PRKG1: variants seen among roughly 807,000 people sequenced by gnomAD.
PRKG1 encodes protein kinase cGMP-dependent 1.
PRKG1 carries 35 observed loss-of-function variants against 88.1 expected under a neutral mutation model. That is an observed-to-expected ratio of 0.40 (90% CI 0.30 to 0.53). The LOEUF (loss-of-function observed/expected upper bound fraction) is 0.53. Ranked by LOEUF, PRKG1 falls within the 20% of genes least tolerant of loss-of-function variation. PRKG1 has a pLI of 0.59. For synonymous variants in PRKG1, 303 were observed against 292.5 expected (o/e 1.04, Z -0.37); for missense variants, 540 against 839.8 (o/e 0.64, Z 4.41).
At chr10:52,006,346 A>G (rs1346366821) in intron 5 of PRKG1, among the ~76,000 whole-genome samples, 1 of 152,222 alleles carries the variant, frequency 6.6e-6, no homozygotes, top group Admixed American at 6.5e-5. Flanking sequence ...ATCAAGATTC[A>G]GGAGAATGTA....
rs149448941 is a variant in PRKG1, at chr10:52,103,371, C to T, written c.936-30469C>T. On this transcript the variant is annotated intron_variant, in intron 7 of 17. Coordinates refer to ENST00000373980, the MANE Select transcript of PRKG1 (RefSeq NM_006258.4). ...TCTCCATCCTCTACCTCTTCTAGCTCTGCCACCCAGAGACAGCATTATCAG... is the reference window on the plus strand; with the variant it reads ...TCTCCATCCTCTACCTCTTCTAGCTTTGCCACCCAGAGACAGCATTATCAG... Among the ~76,000 whole-genome samples, 604 of 152,320 alleles carry T rather than the reference C, an allele frequency of 4.0e-3. 4 individuals are homozygous for T. The highest frequency in any genetic ancestry group is 0.012 in the African/African-American group (490 of 41,576).
upstream of PRKG1, among the ~76,000 whole-genome samples, chr10:51,071,500 TA>T (rs1843825948): frequency 6.6e-6 from 1 of 152,230 alleles, no homozygotes; most frequent in Non-Finnish European, 1.5e-5. Context: ...TTCAGCTTTT[TA>T]CTCTATTTGT....
chr10:51,598,658 C>T (rs1315507417), intron 3 of PRKG1, among the ~76,000 whole-genome samples: 1 of 152,142 alleles, frequency 6.6e-6, no homozygotes, highest in Non-Finnish European at 1.5e-5. Flanking sequence ...GTAAAATATT[C>T]AGTGGTCCCA....
intron 1 of PRKG1, among the ~76,000 whole-genome samples, chr10:51,116,663 G>T (rs1845129744): frequency 6.6e-6 from 1 of 152,204 alleles, no homozygotes; most frequent in African/African-American, 2.4e-5. Flanking sequence ...GCAGGAACTG[G>T]TGGGATGATG....
intron 3 of PRKG1, among the ~76,000 whole-genome samples, chr10:51,737,556 T>C (rs973471126): frequency 3.3e-5 from 5 of 152,046 alleles, no homozygotes; most frequent in African/African-American, 4.8e-5. Flanking sequence ...CTGGATGTTG[T>C]CGGACAGGGA....
intron 2 of PRKG1, among the ~76,000 whole-genome samples, chr10:51,355,847 G>A (rs1210502241): frequency 3.9e-5 from 6 of 151,968 alleles, no homozygotes; most frequent in African/African-American, 1.4e-4. Flanking sequence ...TAGTAGAAGC[G>A]AGTGTGGATG....
intron 1 of PRKG1, among the ~76,000 whole-genome samples, chr10:51,081,351 T>C (rs551155209): frequency 6.6e-6 from 1 of 152,236 alleles, no homozygotes; most frequent in South Asian, 2.1e-4. Flanking sequence ...TGCAAGTAAA[T>C]AGGTGACAAG....
intron 3 of PRKG1, among the ~76,000 whole-genome samples, chr10:51,664,199 T>A (rs991340442): frequency 6.6e-6 from 1 of 152,196 alleles, no homozygotes; most frequent in African/African-American, 2.4e-5. Context: ...ACTAAGAAGT[T>A]CATTTTATTC....
At chr10:52,077,226 A>G (rs1017269232) in intron 7 of PRKG1, among the ~76,000 whole-genome samples, 1 of 152,200 alleles carries the variant, frequency 6.6e-6, no homozygotes, top group Non-Finnish European at 1.5e-5. Context: ...ATGTAGCAAT[A>G]AAAATAGTGA....
At chr10:51,840,351 A>G (rs1358158555) in intron 4 of PRKG1, among the ~76,000 whole-genome samples, 1 of 151,802 alleles carries the variant, frequency 6.6e-6, no homozygotes, top group Non-Finnish European at 1.5e-5. Flanking sequence ...GTGTTCTTAG[A>G]GGTAATGCCT....
chr10:51,613,037 A>G (rs758787196), intron 3 of PRKG1, among the ~76,000 whole-genome samples: 5 of 151,748 alleles, frequency 3.3e-5, no homozygotes, highest in Non-Finnish European at 5.9e-5. Context: ...TTGTTGAAGG[A>G]TTTTGTGTGT....
intron 2 of PRKG1, among the ~76,000 whole-genome samples, chr10:51,419,845 C>T (rs1838359355): frequency 6.6e-6 from 1 of 150,386 alleles, no homozygotes; most frequent in Admixed American, 6.6e-5. Flanking sequence ...TTGTGGAGTC[C>T]CTGGGACAAG....
intron 5 of PRKG1, among the ~76,000 whole-genome samples, chr10:51,994,169 G>A (rs1464674830): frequency 1.3e-5 from 2 of 152,112 alleles, no homozygotes; most frequent in African/African-American, 4.8e-5. Flanking sequence ...AGGAACTGAA[G>A]CTGCTTTTTT....
At chr10:52,284,551 T>C (rs920915939) in intron 14 of PRKG1, among the ~76,000 whole-genome samples, 6 of 151,896 alleles carry the variant, frequency 4.0e-5, no homozygotes, top group Non-Finnish European at 8.8e-5. Context: ...TAGTTACAAA[T>C]AAAGTTCCAC....
chr10:52,020,739 C>A (rs555235456), intron 5 of PRKG1, among the ~76,000 whole-genome samples: 54 of 152,190 alleles, frequency 3.5e-4, no homozygotes, highest in African/African-American at 1.3e-3. Flanking sequence ...TTGTACAATG[C>A]CCATCTGGGG....
intron 7 of PRKG1, among the ~76,000 whole-genome samples, chr10:52,127,710 T>C (rs1379697367): frequency 6.6e-6 from 1 of 152,188 alleles, no homozygotes; most frequent in African/African-American, 2.4e-5. Flanking sequence ...TCATGATGAT[T>C]GTCACTAACA....
chr10:51,975,812 T>C (rs1685353529), intron 5 of PRKG1, among the ~76,000 whole-genome samples: 1 of 152,062 alleles, frequency 6.6e-6, no homozygotes, highest in Non-Finnish European at 1.5e-5. Flanking sequence ...TAAACACATT[T>C]TGTTCTCAAA....
intron 2 of PRKG1, among the ~76,000 whole-genome samples, chr10:51,374,143 A>G (rs141529183): frequency 0.039 from 5,648 of 143,174 alleles, 228 homozygotes; most frequent in African/African-American, 0.083. Flanking sequence ...ACATGTGCAA[A>G]ACATGCAGGT....
chr10:51,804,413 G>T (rs1839252445), intron 3 of PRKG1, among the ~76,000 whole-genome samples, 172 bp from the exon 4 acceptor site: 1 of 151,966 alleles, frequency 6.6e-6, no homozygotes, highest in South Asian at 2.1e-4. Context: ...TAAACATATA[G>T]GACTTTTTTA....
Sources: allele counts gnomAD v4.1 joint callset (sites outside exome capture counted in the v4.1 genomes callset), GRCh38; gene constraint gnomAD v4.1.1; transcripts MANE v1.5; gene names NCBI Gene and HGNC (gene_info 2026-07-23, HGNC 2026-07-21).